Variants in BEGAIN observed in about 807,000 individuals in gnomAD.
The protein encoded by BEGAIN is brain-enriched guanylate kinase-associated protein.
A neutral mutation model predicts 35.8 loss-of-function variants in BEGAIN; 19 were observed. The ratio of observed to expected loss-of-function variants is 0.53; its 90% CI spans 0.37 to 0.78. The LOEUF is 0.78. Among genes scored for constraint, BEGAIN ranks in the 30% least tolerant of loss-of-function variants. BEGAIN has a pLI of 0.00. For missense variants in BEGAIN, 795 were observed against 853.6 expected, an observed-to-expected ratio of 0.93 and a Z score of 0.85; for synonymous variants, 462 against 388.6, an observed-to-expected ratio of 1.19 and a Z score of -2.22.
At chr14:100,569,007 C>A (rs993146100) in intron 1 of BEGAIN, 1 of 937,326 alleles carries the variant, frequency 1.1e-6, no homozygotes, top group Non-Finnish European at 1.3e-6. Flanking sequence ...CCTCCCCCAC[C>A]GCCCCGCCGG....
chr14:100,554,119 G>A (rs993480053), intron 2 of BEGAIN, among the ~76,000 whole-genome samples: 9 of 152,220 alleles, frequency 5.9e-5, no homozygotes, highest in African/African-American at 2.2e-4. Flanking sequence ...ATGAGCTCCA[G>A]GGCCCCTGGT....
In BEGAIN at chr14:100,538,470, G is replaced by C; in HGVS notation, c.1338C>G (p.Gly446=). ...CAGCGCTCACGGGGTAGGAGTAGGC[G>C]CCGATGTCCTCCACGCTCAGGGGAC... is the stretch of plus-strand genomic sequence containing the variant. The part of the protein sequence containing the change: ...QWRPLSVEDI[G]AYSYPVSAAG... Residue 446 remains glycine (G), a synonymous_variant, in exon 7 of 7, where the codon GGC becomes GGG. Transcript: ENST00000554140. 6.3e-7 allele frequency: 1 copy of C among 1,576,358 alleles called. No individual in the cohort carries two copies. The highest frequency in any genetic ancestry group is 8.6e-7 in the Non-Finnish European group (1 of 1,164,618).
At chr14:100,560,567 C>T (rs982234286) in intron 2 of BEGAIN, among the ~76,000 whole-genome samples, 4 of 152,162 alleles carry the variant, frequency 2.6e-5, no homozygotes, top group Non-Finnish European at 5.9e-5. Flanking sequence ...CAAATGCCAC[C>T]ACCAGCCCCT....
intron 1 of BEGAIN, among the ~76,000 whole-genome samples, chr14:100,575,302 C>T (rs1393304810): frequency 6.6e-6 from 1 of 152,208 alleles, no homozygotes; most frequent in Non-Finnish European, 1.5e-5. Context: ...GTACGAGGCA[C>T]ACAGTGGGTG....
At chr14:100,569,248 G>A (rs2034980545) in intron 1 of BEGAIN, among the ~76,000 whole-genome samples, 1 of 152,164 alleles carries the variant, frequency 6.6e-6, no homozygotes, top group African/African-American at 2.4e-5. Flanking sequence ...GGAATTTCAG[G>A]GGAAGGGATC....
chr14:100,571,789 C>A (rs748878714), intron 1 of BEGAIN, among the ~76,000 whole-genome samples: 3 of 152,326 alleles, frequency 2.0e-5, no homozygotes, highest in Non-Finnish European at 2.9e-5. Context: ...GGCTGCCTTG[C>A]TGGCTCCAGG....
rs762163103 is a variant in BEGAIN, at chr14:100,538,903, T to TGGAAGCCCGCCG, written c.893_904dup (p.Pro298_Phe301dup). The TGGAAGCCCGCCG allele has an allele frequency of 6.2e-7, 1 of 1,607,562 alleles. No homozygotes were observed. The highest frequency in any genetic ancestry group is 2.2e-5 in the East Asian group (1 of 44,714). On this transcript the variant is annotated inframe_insertion, in exon 7 of 7. Coordinates refer to ENST00000554140, the MANE Select transcript of BEGAIN (RefSeq NM_001385089.1). ...TGCGTAGCTGGGGAAGGCCTCATGC[T>TGGAAGCCCGCCG]GGAAGCCCGCCGGGAAGGCCGCCGC...
chr14:100,568,185 GC>G lies in BEGAIN; in HGVS notation c.43-247del, dbSNP rs1467089710. On this transcript the variant is annotated intron_variant, in intron 1 of 6. Transcript: ENST00000554140. The surrounding 1 kb of genome is among the most constrained non-coding windows in gnomAD (Gnocchi z 7.5). ...CGCCGCGCTCCCCGCACCGAGTTACGCCCCCCGGGGCGAAGAAGGGGCCGGC... is the reference window on the plus strand; with the variant it reads ...CGCCGCGCTCCCCGCACCGAGTTACGCCCCCGGGGCGAAGAAGGGGCCGGC... 4.9e-6 allele frequency: 4 copies of G among 812,634 alleles called. No homozygotes were observed. Among genetic ancestry groups the G allele is most frequent in the Non-Finnish European group, 6.0e-6 (4 of 667,398 alleles). 50.3% of individuals were successfully genotyped at this position (812,634 alleles called of 1,614,324 possible). A position where few individuals can be genotyped will look rare whatever the true frequency, so the allele number is the denominator to read the frequency against.
chr14:100,541,577 C>CT (rs1371792438), intron 5 of BEGAIN, among the ~76,000 whole-genome samples: 18 of 152,360 alleles, frequency 1.2e-4, no homozygotes, highest in Admixed American at 9.8e-4. Context: ...AACAGCACGG[C>CT]TGCCTGAGAG....
intron 2 of BEGAIN, among the ~76,000 whole-genome samples, chr14:100,566,557 A>G (rs1413828521): frequency 6.6e-6 from 1 of 152,148 alleles, no homozygotes; most frequent in Non-Finnish European, 1.5e-5. Flanking sequence ...AATGACAGCC[A>G]ATGTGGGGCA....
In BEGAIN at chr14:100,545,276, G is replaced by A. The variant is rs1252122971; in HGVS notation, c.234-210C>T. The A allele has an allele frequency of 4.2e-6, 6 of 1,414,550 alleles. No individual in the cohort carries two copies. In the African/African-American group the frequency reaches 8.7e-5, roughly 20 times the overall value. 87.6% of individuals were successfully genotyped at this position (1,414,550 alleles called of 1,614,324 possible). On this transcript the variant is annotated intron_variant, in intron 3 of 6. Transcript: ENST00000554140. ...TTTTGTAGAAGCCTTTCCTAGGCCAGGGCCCAGGACTGTATTTCCCCCTCC... is the reference window on the plus strand; with the variant it reads ...TTTTGTAGAAGCCTTTCCTAGGCCAAGGCCCAGGACTGTATTTCCCCCTCC...
At chr14:100,583,692 C>CTTTTTTTTTTTTTTTTTT (rs56090356) in intron 1 of BEGAIN, among the ~76,000 whole-genome samples, 11 of 108,982 alleles carry the variant, frequency 1.0e-4, no homozygotes, top group Non-Finnish European at 1.2e-4. Flanking sequence ...GTTTTTCTTC[C>CTTTTTTTTTTTTTTTTTT]TTTTTTTTTT....
At chr14:100,539,651 C>T (rs1286033037) in intron 6 of BEGAIN, among the ~76,000 whole-genome samples, 1 of 152,058 alleles carries the variant, frequency 6.6e-6, no homozygotes, top group Non-Finnish European at 1.5e-5. Flanking sequence ...AGGCTCCACC[C>T]CCCGCCACCC....
Position 100,586,932 on chromosome 14 carries a change from C to T in BEGAIN, c.42+317G>A, listed in dbSNP as rs1412759723. On this transcript the variant is annotated intron_variant, in intron 1 of 6. Coordinates refer to ENST00000554140, the MANE Select transcript of BEGAIN (RefSeq NM_001385089.1). This position sits in a 1 kb window ranked among gnomAD's most constrained non-coding sequence, Gnocchi z 4.9. ...AGTCCTCCGGCCGCGCCCTTGGTCACCCGTCCCTCCTTTCCTTCCGCCGCA... is the reference window on the plus strand; with the variant it reads ...AGTCCTCCGGCCGCGCCCTTGGTCATCCGTCCCTCCTTTCCTTCCGCCGCA... Among the ~76,000 whole-genome samples the T allele has an allele frequency of 6.6e-6, 1 of 151,982 alleles. No individual in the cohort carries two copies. The highest frequency in any genetic ancestry group is 2.4e-5 in the African/African-American group (1 of 41,436).
chr14:100,570,966 G>A (rs2035063465), intron 1 of BEGAIN, among the ~76,000 whole-genome samples: 2 of 152,170 alleles, frequency 1.3e-5, no homozygotes, highest in South Asian at 4.1e-4. Flanking sequence ...TGGGGGCCAT[G>A]AGGATGAGGA....
At position 100,538,111 on chromosome 14, in the gene BEGAIN, G is replaced by A. The variant is rs748862594; in HGVS notation, c.1697C>T (p.Pro566Leu). The A allele has an allele frequency of 3.8e-6, 6 of 1,565,810 alleles. No individual in the cohort carries two copies. Among genetic ancestry groups the A allele is most frequent in the Admixed American group, 1.8e-5 (1 of 54,180 alleles). ...PEQGSRDSLE[P>L]SSMEASPEMH... ...TTCCGGGGAGGCCTCCATGGAGCTC[G>A]GCTCCAAGGAGTCCCTGGAACCCTG... Residue 566 changes from proline to leucine, a missense_variant, in exon 7 of 7, where the codon CCG becomes CTG. By Grantham distance (98) the Pro-to-Leu change is moderately conservative (BLOSUM62 -3). This residue lies in a region of BEGAIN where 664 missense variants were observed against 647.7 expected (regional missense o/e 1.03). Coordinates refer to ENST00000554140, the MANE Select transcript of BEGAIN (RefSeq NM_001385089.1).
chr14:100,548,925 C>G (rs958898863), intron 2 of BEGAIN: 1 of 152,232 alleles, frequency 6.6e-6, no homozygotes, highest in East Asian at 1.9e-4. Context: ...ACTGCTCCCC[C>G]TCCCCAAGTC....
intron 1 of BEGAIN, among the ~76,000 whole-genome samples, chr14:100,580,815 C>A (rs1467678590): frequency 1.3e-5 from 2 of 152,226 alleles, no homozygotes; most frequent in Admixed American, 1.3e-4. Context: ...GAATGACTGA[C>A]TGAATGAATG....
intron 1 of BEGAIN, chr14:100,577,261 T>A (rs1296430439): frequency 5.0e-6 from 2 of 398,506 alleles, no homozygotes; most frequent in Non-Finnish European, 8.8e-6. Context: ...CCAGGGCCTG[T>A]GGGGAAGCGG....
Sources: gnomAD v4.1 joint callset for allele counts (sites outside exome capture counted in the v4.1 genomes callset) on GRCh38, gnomAD v4.1.1 for gene constraint, gnomAD v4.1.1 regional missense constraint, Gnocchi (gnomAD v3.1) non-coding constraint, MANE v1.5 for transcripts, NCBI Gene and HGNC (gene_info 2026-07-23, HGNC 2026-07-21) for gene names.